Variants in LRP1B observed in about 807,000 individuals in gnomAD.
The protein encoded by LRP1B is low-density lipoprotein receptor-related protein 1B.
Under a neutral mutation model 556.6 loss-of-function variants are expected in LRP1B, and 217 were observed. The observed-to-expected ratio is 0.39, with a 90% CI of 0.35 to 0.44. LRP1B has a LOEUF of 0.44. LRP1B is among the 20% of genes least tolerant of loss of function. The probability of loss-of-function intolerance (pLI) is 1.00; values close to 1 mark genes in which losing one functional copy is unlikely to be tolerated. For synonymous variants in LRP1B, 2,047 were observed against 1,865.8 expected (o/e 1.10, Z -2.50); for missense variants, 5,053 against 5,620.8 (o/e 0.90, Z 3.23).
intron 7 of LRP1B, among the ~76,000 whole-genome samples, chr2:141,088,899 A>G (rs181747051): frequency 6.6e-6 from 1 of 152,238 alleles, no homozygotes; most frequent in African/African-American, 2.4e-5. Flanking sequence ...AGCTTGATGC[A>G]TAGCCCTCTG....
intron 25 of LRP1B, among the ~76,000 whole-genome samples, chr2:140,874,200 A>G (rs1023302920): frequency 6.6e-6 from 1 of 152,172 alleles, no homozygotes; most frequent in Admixed American, 6.5e-5. Flanking sequence ...GGGGCTTGAT[A>G]TTAAAAAACA....
intron 51 of LRP1B, 101 bp downstream of exon 51, chr2:140,514,550 TTA>T (rs1431941693): frequency 1.8e-6 from 2 of 1,097,336 alleles, no homozygotes; most frequent in African/African-American, 3.2e-5. Context: ...CACATAAATT[TTA>T]TGTTAATTTT....
At chr2:141,231,467 CAA>C (rs1007783883) in intron 5 of LRP1B, among the ~76,000 whole-genome samples, 1 of 151,282 alleles carries the variant, frequency 6.6e-6, no homozygotes, top group Non-Finnish European at 1.5e-5. Context: ...CCAGAGGTAG[CAA>C]AAAAAAGACA....
intron 2 of LRP1B, among the ~76,000 whole-genome samples, chr2:141,722,831 G>C (rs1239309641): frequency 6.6e-6 from 1 of 151,968 alleles, no homozygotes; most frequent in Non-Finnish European, 1.5e-5. Flanking sequence ...TGGTATTATT[G>C]GCTTGTTTCT....
intron 21 of LRP1B, among the ~76,000 whole-genome samples, chr2:140,914,599 G>A (rs908516543): frequency 2.0e-5 from 3 of 152,072 alleles, no homozygotes; most frequent in Admixed American, 1.3e-4. Flanking sequence ...AGACTTTGCA[G>A]AAAGATGAGA....
chr2:141,093,315 C>T (rs538595357), intron 7 of LRP1B, among the ~76,000 whole-genome samples: 4 of 151,754 alleles, frequency 2.6e-5, no homozygotes, highest in Admixed American at 6.6e-5. Flanking sequence ...GTCTGTTGCA[C>T]GTATTTTCTC....
chr2:140,711,853 C>T (rs992292312), intron 37 of LRP1B, among the ~76,000 whole-genome samples: 4 of 152,254 alleles, frequency 2.6e-5, no homozygotes, highest in East Asian at 1.9e-4. Flanking sequence ...ACTCCATCCC[C>T]GAAGGGGAAG....
In LRP1B at chr2:141,102,605, C is replaced by T. The variant is rs973305271; in HGVS notation, c.1014-40332G>A. The stretch of plus-strand genomic sequence containing the variant: ...TGAAAGAAATTATACATGGCTGGTA[C>T]TCATTTGTTGAGAAAAATATTTAAA... On this transcript the variant is annotated intron_variant, in intron 7 of 90. Transcript: ENST00000389484. 5.9e-5 allele frequency among the ~76,000 whole-genome samples: 9 copies of T among 151,926 alleles called. 1 individual carries two copies.
At chr2:141,290,022 T>C (rs926511174) in intron 3 of LRP1B, among the ~76,000 whole-genome samples, 3 of 152,202 alleles carry the variant, frequency 2.0e-5, no homozygotes, top group Non-Finnish European at 4.4e-5. Context: ...TTTATAAATT[T>C]GTACTAGTTC....
At chr2:140,435,636 T>C (rs1023495224) in intron 66 of LRP1B, among the ~76,000 whole-genome samples, 6 of 150,874 alleles carry the variant, frequency 4.0e-5, no homozygotes, top group African/African-American at 1.5e-4. Context: ...CAACAAAATT[T>C]AAATCTCACA....
intron 1 of LRP1B, among the ~76,000 whole-genome samples, chr2:141,984,419 C>G (rs762223114): frequency 3.9e-5 from 6 of 151,912 alleles, no homozygotes; most frequent in Admixed American, 1.3e-4. Flanking sequence ...TTTGAAGAGA[C>G]CAGCTCAAGA....
At chr2:140,910,096 C>CAAAAAAAAAAACAAAAAAAA (rs143067007) in intron 21 of LRP1B, among the ~76,000 whole-genome samples, 1 of 146,066 alleles carries the variant, frequency 6.8e-6, no homozygotes, top group East Asian at 2.0e-4. Flanking sequence ...AGAATCTTAC[C>CAAAAAAAAAAACAAAAAAAA]AAAACAAAAA....
chr2:140,477,084 T>G (rs1688007092), intron 59 of LRP1B, among the ~76,000 whole-genome samples: 1 of 151,958 alleles, frequency 6.6e-6, no homozygotes, highest in Non-Finnish European at 1.5e-5. Flanking sequence ...TCCAATAAAT[T>G]TATGGAGAAG....
At chr2:141,897,652 C>A (rs1699494414) in intron 1 of LRP1B, among the ~76,000 whole-genome samples, 1 of 152,102 alleles carries the variant, frequency 6.6e-6, no homozygotes, top group Non-Finnish European at 1.5e-5. Flanking sequence ...GCATACATAT[C>A]AAAGTGCCAT....
chr2:141,099,934 C>T (rs1268690015), intron 7 of LRP1B, among the ~76,000 whole-genome samples: 1 of 152,136 alleles, frequency 6.6e-6, no homozygotes, highest in African/African-American at 2.4e-5. Context: ...ATTCTGAACC[C>T]TGAATGGGTA....
At chr2:141,786,154 T>C (rs982955504) in intron 2 of LRP1B, among the ~76,000 whole-genome samples, 13 of 151,956 alleles carry the variant, frequency 8.6e-5, no homozygotes, top group African/African-American at 2.4e-4. Flanking sequence ...ATTATATTCA[T>C]GTGAAAGAAG....
intron 20 of LRP1B, among the ~76,000 whole-genome samples, chr2:140,938,304 A>T (rs1189266094): frequency 6.6e-6 from 1 of 152,098 alleles, no homozygotes; most frequent in Non-Finnish European, 1.5e-5. Context: ...ACAATGAAAA[A>T]GTCCTAGAAT....
At chr2:141,868,855 G>A (rs1162792400) in intron 1 of LRP1B, among the ~76,000 whole-genome samples, 1 of 152,006 alleles carries the variant, frequency 6.6e-6, no homozygotes, top group Non-Finnish European at 1.5e-5. Context: ...ATCTTTTACT[G>A]CCTAATAACT....
intron 56 of LRP1B, among the ~76,000 whole-genome samples, chr2:140,494,718 T>C (rs1688843729): frequency 6.6e-6 from 1 of 152,010 alleles, no homozygotes; most frequent in African/African-American, 2.4e-5. Context: ...TTTTTTTTCT[T>C]CATAATGTGT....
Sources: gnomAD v4.1 joint callset for allele counts (sites outside exome capture counted in the v4.1 genomes callset) on GRCh38, gnomAD v4.1.1 for gene constraint, MANE v1.5 for transcripts, NCBI Gene and HGNC (gene_info 2026-07-23, HGNC 2026-07-21) for gene names.